Variants in PCDH15 observed in about 807,000 individuals in gnomAD.
PCDH15 encodes the protein protocadherin-15.
Under a neutral mutation model 178.5 loss-of-function variants are expected in PCDH15, and 129 were observed. The observed-to-expected ratio is 0.72, with a 90% CI of 0.63 to 0.84. PCDH15 has a LOEUF of 0.84. Among genes scored for constraint, PCDH15 ranks in the 40% least tolerant of loss-of-function variants. PCDH15 has a pLI of 0.00. For missense variants in PCDH15, 2,230 were observed against 2,099.9 expected (o/e 1.06, Z -1.21); for synonymous variants, 800 against 732.0 (o/e 1.09, Z -1.50).
At chr10:53,925,453 T>C (rs2084445172) in intron 25 of PCDH15, among the ~76,000 whole-genome samples, 1 of 152,200 alleles carries the variant, frequency 6.6e-6, no homozygotes, top group South Asian at 2.1e-4. Flanking sequence ...ACGCACCATC[T>C]TTTAGAACCC....
intron 21 of PCDH15, among the ~76,000 whole-genome samples, chr10:53,975,378 G>A (rs2090101070): frequency 6.6e-6 from 1 of 152,126 alleles, no homozygotes; most frequent in South Asian, 2.1e-4. Context: ...CACAGTGGCT[G>A]AATTAATTTA....
intron 2 of PCDH15, among the ~76,000 whole-genome samples, chr10:54,540,592 G>T (rs2085101357): frequency 6.6e-6 from 1 of 151,978 alleles, no homozygotes; most frequent in African/African-American, 2.4e-5. Flanking sequence ...AAGAAGAGCT[G>T]GTACCAAATC....
chr10:54,904,874 G>A (rs957512033), intron 2 of PCDH15, among the ~76,000 whole-genome samples: 2 of 135,088 alleles, frequency 1.5e-5, no homozygotes, highest in Admixed American at 1.6e-4. Context: ...GAAGAAGGTG[G>A]GTATAAATTA....
At chr10:53,879,633 A>C (rs1437773655) in intron 26 of PCDH15, among the ~76,000 whole-genome samples, 1 of 152,224 alleles carries the variant, frequency 6.6e-6, no homozygotes, top group Admixed American at 6.5e-5. Context: ...TTTGTGATTC[A>C]AAACCAACAT....
At chr10:55,180,871 T>A (rs1381037441) in intron 1 of PCDH15, among the ~76,000 whole-genome samples, 3 of 152,086 alleles carry the variant, frequency 2.0e-5, no homozygotes, top group Admixed American at 6.6e-5. Flanking sequence ...GTTCTATGTT[T>A]GTTTTATTTT....
chr10:55,233,710 T>C (rs1841294078), intron 1 of PCDH15, among the ~76,000 whole-genome samples: 1 of 152,088 alleles, frequency 6.6e-6, no homozygotes, highest in Admixed American at 6.5e-5. Flanking sequence ...TTTGACACCT[T>C]ACTATGTTGG....
intron 2 of PCDH15, among the ~76,000 whole-genome samples, chr10:55,326,910 G>C (rs1322870399): frequency 6.6e-6 from 1 of 152,038 alleles, no homozygotes. Context: ...CTAAACAAAT[G>C]ATGCTGGAAT....
intron 2 of PCDH15, among the ~76,000 whole-genome samples, chr10:55,591,075 T>G (rs564464110): frequency 2.1e-4 from 32 of 152,194 alleles, no homozygotes; most frequent in Admixed American, 6.6e-4. Context: ...ATAATAACAT[T>G]TATCTTCTAT....
chr10:54,294,879 T>A lies in PCDH15; in HGVS notation c.876+22392A>T, dbSNP rs560836810. On this transcript the variant is annotated intron_variant, in intron 8 of 37. Coordinates refer to ENST00000644397, the MANE Select transcript of PCDH15 (RefSeq NM_001384140.1). The stretch of plus-strand genomic sequence containing the variant: ...TTTCATAATATACACTGAAACATAT[T>A]CAAATAAAATGAAACTATATCTGAG... Among the ~76,000 whole-genome samples, 31 of 152,258 alleles carry A rather than the reference T, an allele frequency of 2.0e-4. No individual in the cohort carries two copies. The South Asian group carries it at 6.4e-3, about 32-fold the overall frequency.
At chr10:54,237,840 A>G (rs2054791444) in intron 8 of PCDH15, among the ~76,000 whole-genome samples, 1 of 152,206 alleles carries the variant, frequency 6.6e-6, no homozygotes, top group African/African-American at 2.4e-5. Context: ...CTTGGGAAAT[A>G]TGATATTAAA....
At chr10:55,495,916 T>A (rs1348256346) in intron 2 of PCDH15, among the ~76,000 whole-genome samples, 1 of 151,906 alleles carries the variant, frequency 6.6e-6, no homozygotes, top group East Asian at 1.9e-4. Context: ...AATGAATAAT[T>A]ACAAATGACT....
At chr10:55,463,200 C>A (rs1407233081) in intron 2 of PCDH15, among the ~76,000 whole-genome samples, 1 of 151,728 alleles carries the variant, frequency 6.6e-6, no homozygotes, top group African/African-American at 2.4e-5. Context: ...GGGATTATTG[C>A]AATTTTCTAG....
chr10:54,226,707 G>A (rs2053488569), intron 9 of PCDH15, among the ~76,000 whole-genome samples: 1 of 152,166 alleles, frequency 6.6e-6, no homozygotes, highest in Non-Finnish European at 1.5e-5. Context: ...CCAGAGACAA[G>A]GCAAGTTCCT....
intron 29 of PCDH15, among the ~76,000 whole-genome samples, chr10:53,834,664 A>G (rs981352022): frequency 6.6e-6 from 1 of 152,130 alleles, no homozygotes; most frequent in African/African-American, 2.4e-5. Flanking sequence ...TCCTGAAATG[A>G]GATAAGTTGC....
intron 5 of PCDH15, among the ~76,000 whole-genome samples, chr10:54,359,596 C>T (rs1054805162): frequency 2.0e-5 from 3 of 151,824 alleles, no homozygotes; most frequent in African/African-American, 7.2e-5. Context: ...TATAGCTTTA[C>T]TTCTATTACA....
chr10:54,496,589 G>A (rs938649725), intron 3 of PCDH15, among the ~76,000 whole-genome samples: 5 of 152,008 alleles, frequency 3.3e-5, no homozygotes, highest in Admixed American at 2.6e-4. Flanking sequence ...CATCTCTGAA[G>A]GTTTTCTTTT....
intron 25 of PCDH15, among the ~76,000 whole-genome samples, chr10:53,905,476 G>A (rs890416168): frequency 1.3e-5 from 2 of 152,102 alleles, no homozygotes; most frequent in African/African-American, 4.8e-5. Context: ...TGTGACTACA[G>A]GCATGCGCCA....
intron 3 of PCDH15, among the ~76,000 whole-genome samples, chr10:54,836,892 T>C (rs997548859): frequency 6.6e-5 from 10 of 151,872 alleles, no homozygotes; most frequent in Admixed American, 6.6e-4. Flanking sequence ...AAACAACTAT[T>C]GAGAAGATCT....
chr10:54,063,155 T>A (rs558664020), intron 18 of PCDH15, among the ~76,000 whole-genome samples: 1 of 152,294 alleles, frequency 6.6e-6, no homozygotes, highest in South Asian at 2.1e-4. Context: ...ATATCAGGAG[T>A]AATTTTTATA....
Sources: allele counts gnomAD v4.1 joint callset (sites outside exome capture counted in the v4.1 genomes callset), GRCh38; gene constraint gnomAD v4.1.1; transcripts MANE v1.5; gene names NCBI Gene and HGNC (gene_info 2026-07-23, HGNC 2026-07-21).